PACRG: variants seen among roughly 807,000 people sequenced by gnomAD.
The protein encoded by PACRG is parkin coregulated gene protein.
A neutral mutation model predicts 29.7 loss-of-function variants in PACRG; 29 were observed. That is an observed-to-expected ratio of 0.98 (90% CI 0.73 to 1.33). PACRG has a LOEUF of 1.33. Ranked by LOEUF, PACRG falls within the 40% of genes most tolerant of loss-of-function variation. PACRG has a pLI of 0.00. For missense variants in PACRG, 279 were observed against 316.2 expected (o/e 0.88, Z 0.89); for synonymous variants, 116 against 118.7 (o/e 0.98, Z 0.15).
In PACRG at chr6:163,161,480, C is replaced by T. The variant is rs79101783; in HGVS notation, c.613+72072C>T. The stretch of plus-strand genomic sequence containing the variant: ...GACTGGATGCATTCCTTTGTACTGG[C>T]CTGCACATATATGTAACCAGTTCCT... On this transcript the variant is annotated intron_variant, in intron 4 of 4. Transcript: ENST00000366888. Among the ~76,000 whole-genome samples the T allele has an allele frequency of 9.8e-3, 1,494 of 152,262 alleles. 7 individuals carry two copies. Among genetic ancestry groups the T allele is most frequent in the Admixed American group, 0.017 (259 of 15,300 alleles).
At chr6:162,976,071 G>A (rs1801933159) in intron 2 of PACRG, among the ~76,000 whole-genome samples, 1 of 152,066 alleles carries the variant, frequency 6.6e-6, no homozygotes, top group Non-Finnish European at 1.5e-5. Context: ...AAACAAACAC[G>A]AAGATGAACA....
intron 4 of PACRG, among the ~76,000 whole-genome samples, chr6:163,174,453 T>C (rs1779248497): frequency 6.6e-6 from 1 of 152,218 alleles, no homozygotes; most frequent in Non-Finnish European, 1.5e-5. Flanking sequence ...CACAGACTCC[T>C]TATTCTTTTG....
At chr6:163,047,531 C>T (rs767318715) in intron 2 of PACRG, among the ~76,000 whole-genome samples, 2 of 152,168 alleles carry the variant, frequency 1.3e-5, no homozygotes, top group African/African-American at 2.4e-5. Context: ...CCGTCGGGAA[C>T]ATACAATTCC....
At chr6:162,987,401 C>A (rs1802997039) in intron 2 of PACRG, among the ~76,000 whole-genome samples, 1 of 152,138 alleles carries the variant, frequency 6.6e-6, no homozygotes. Flanking sequence ...TTGGCTATGT[C>A]CCCACCCAAA....
chr6:162,948,720 G>C (rs1416084501), intron 2 of PACRG, among the ~76,000 whole-genome samples: 1 of 151,772 alleles, frequency 6.6e-6, no homozygotes, highest in African/African-American at 2.4e-5. Context: ...TTTTAAAATG[G>C]GCAAAAAATC....
chr6:163,019,076 A>T (rs1483245793), intron 2 of PACRG, among the ~76,000 whole-genome samples: 1 of 152,170 alleles, frequency 6.6e-6, no homozygotes, highest in African/African-American at 2.4e-5. Context: ...TTTAAAAAAT[A>T]TGTGATCTTG....
intron 1 of PACRG, among the ~76,000 whole-genome samples, chr6:162,729,711 AT>A (rs148527949): frequency 0.015 from 2,283 of 149,414 alleles, 59 homozygotes; most frequent in African/African-American, 0.053. Context: ...TTATACTTTA[AT>A]TTTTTTTTTA....
intron 4 of PACRG, among the ~76,000 whole-genome samples, chr6:163,157,248 C>G (rs377679388): frequency 6.6e-6 from 1 of 152,202 alleles, no homozygotes; most frequent in African/African-American, 2.4e-5. Flanking sequence ...GCATTTGCTC[C>G]GTAGCAGTGT....
intron 4 of PACRG, among the ~76,000 whole-genome samples, chr6:163,253,690 A>G (rs1419279741): frequency 6.6e-6 from 1 of 152,184 alleles, no homozygotes; most frequent in Non-Finnish European, 1.5e-5. Flanking sequence ...TTATAAATAG[A>G]ATGCACGTTA....
chr6:162,959,682 C>T (rs563665816), intron 2 of PACRG, among the ~76,000 whole-genome samples: 1 of 152,170 alleles, frequency 6.6e-6, no homozygotes, highest in Admixed American at 6.5e-5. Context: ...TGGAGAGGAG[C>T]AAGTGTAGGA....
intron 4 of PACRG, among the ~76,000 whole-genome samples, chr6:163,214,155 T>G (rs1781268899): frequency 6.6e-6 from 1 of 152,204 alleles, no homozygotes; most frequent in South Asian, 2.1e-4. Context: ...CTGTCCAGTA[T>G]AGTAGCCACC....
chr6:163,182,998 A>G (rs1207744729), intron 4 of PACRG: 1 of 152,250 alleles, frequency 6.6e-6, no homozygotes, highest in Non-Finnish European at 1.5e-5. Context: ...TAGGATTTAA[A>G]TAGTTTAGAA....
At chr6:163,246,509 T>C (rs1782703577) in intron 4 of PACRG, among the ~76,000 whole-genome samples, 1 of 152,176 alleles carries the variant, frequency 6.6e-6, no homozygotes. Flanking sequence ...TTTACAACCA[T>C]CTGAAATATG....
chr6:163,080,592 C>A (rs568622945), intron 3 of PACRG, among the ~76,000 whole-genome samples: 1 of 152,308 alleles, frequency 6.6e-6, no homozygotes, highest in African/African-American at 2.4e-5. Context: ...ATTTTGGTAA[C>A]TGAATACTTT....
chr6:163,114,435 A>G (rs1455194467), intron 4 of PACRG, among the ~76,000 whole-genome samples: 1 of 152,218 alleles, frequency 6.6e-6, no homozygotes, highest in Non-Finnish European at 1.5e-5. Flanking sequence ...ACAAAAAGAA[A>G]TGAGAAGCAA....
chr6:162,878,841 C>G (rs1793592738), intron 2 of PACRG, among the ~76,000 whole-genome samples: 1 of 152,132 alleles, frequency 6.6e-6, no homozygotes, highest in African/African-American at 2.4e-5. Flanking sequence ...TATTCTAAAT[C>G]TGAATGGAGT....
chr6:163,179,946 G>A (rs1032764207), intron 4 of PACRG, among the ~76,000 whole-genome samples: 4 of 152,202 alleles, frequency 2.6e-5, no homozygotes, highest in African/African-American at 7.2e-5. Context: ...TGTCCCAGCC[G>A]AGCCCTCCTG....
At chr6:163,298,000 C>T (rs1218180780) in intron 4 of PACRG, among the ~76,000 whole-genome samples, 1 of 152,080 alleles carries the variant, frequency 6.6e-6, no homozygotes, top group Non-Finnish European at 1.5e-5. Context: ...AGGTGGTGGC[C>T]CGGGATACCT....
intron 1 of PACRG, among the ~76,000 whole-genome samples, chr6:162,743,246 G>GT (rs1780737402): frequency 6.6e-6 from 1 of 151,962 alleles, no homozygotes; most frequent in Non-Finnish European, 1.5e-5. Flanking sequence ...TTGAGTTCAT[G>GT]TTTTTCTTTT....
Sources: allele counts gnomAD v4.1 joint callset (sites outside exome capture counted in the v4.1 genomes callset), GRCh38; gene constraint gnomAD v4.1.1; transcripts MANE v1.5; gene names NCBI Gene and HGNC (gene_info 2026-07-23, HGNC 2026-07-21).